TRABD2B: variants seen among roughly 807,000 people sequenced by gnomAD.
The protein encoded by TRABD2B is metalloprotease TIKI2.
Under a neutral mutation model 40.1 loss-of-function variants are expected in TRABD2B, and 14 were observed. That is an observed-to-expected ratio of 0.35 (90% CI 0.23 to 0.55). The LOEUF (loss-of-function observed/expected upper bound fraction) is 0.55. TRABD2B is among the 20% of genes least tolerant of loss of function. TRABD2B has a pLI of 0.90. For synonymous variants in TRABD2B, 263 were observed against 277.0 expected (o/e 0.95, Z 0.50); for missense variants, 541 against 648.6 (o/e 0.83, Z 1.80).
At position 47,968,446 on chromosome 1, in the gene TRABD2B, G is replaced by C. The variant is rs371997576; in HGVS notation, c.666+25588C>G. Among the ~76,000 whole-genome samples the C allele has an allele frequency of 1.1e-3, 164 of 152,340 alleles. 2 individuals are homozygous for C. Among genetic ancestry groups the C allele is most frequent in the African/African-American group, 3.6e-3 (149 of 41,574 alleles). ...CACAAAGGGACAATAACTCTTAGCT[G>C]TCTGGGCAGCTAGAGGAAGTACAGC... On this transcript the variant is annotated intron_variant, in intron 2 of 6. Coordinates refer to ENST00000606738, the MANE Select transcript of TRABD2B (RefSeq NM_001194986.2).
intron 2 of TRABD2B, among the ~76,000 whole-genome samples, chr1:47,990,443 G>A (rs1645983930): frequency 6.6e-6 from 1 of 152,082 alleles, no homozygotes; most frequent in South Asian, 2.1e-4. Flanking sequence ...GGGCCCCCAA[G>A]GGCAGGGGCT....
intron 2 of TRABD2B, among the ~76,000 whole-genome samples, chr1:47,956,189 T>C (rs1233671176): frequency 6.6e-6 from 1 of 152,116 alleles, no homozygotes; most frequent in African/African-American, 2.4e-5. Context: ...ACCCACCACA[T>C]AAGACCTGAA....
At chr1:47,978,196 T>G (rs1645786752) in intron 2 of TRABD2B, among the ~76,000 whole-genome samples, 1 of 152,056 alleles carries the variant, frequency 6.6e-6, no homozygotes, top group Non-Finnish European at 1.5e-5. Flanking sequence ...GGGGCCATAG[T>G]TCTCCCCTTC....
intron 2 of TRABD2B, among the ~76,000 whole-genome samples, chr1:47,839,984 G>A (rs11807568): frequency 6.5e-4 from 99 of 152,300 alleles, no homozygotes; most frequent in African/African-American, 2.3e-3. Context: ...CCAGGGTAGT[G>A]TGGACATCTC....
chr1:47,962,868 T>C (rs951014824), intron 2 of TRABD2B, among the ~76,000 whole-genome samples: 3 of 152,278 alleles, frequency 2.0e-5, no homozygotes, highest in Non-Finnish European at 2.9e-5. Flanking sequence ...GGACAAGCCA[T>C]GTATTGAGCA....
chr1:47,801,807 T>C (rs959032602), intron 2 of TRABD2B, among the ~76,000 whole-genome samples, 188 bp from the exon 3 acceptor site: 3 of 152,122 alleles, frequency 2.0e-5, no homozygotes. Flanking sequence ...TCTGAGCACG[T>C]TCAGCCTGCT....
At chr1:47,987,835 C>T (rs552655817) in intron 2 of TRABD2B, among the ~76,000 whole-genome samples, 2 of 151,440 alleles carry the variant, frequency 1.3e-5, no homozygotes, top group South Asian at 2.1e-4. Flanking sequence ...GGCAGACTGC[C>T]GAAGCACAAG....
Position 47,763,723 on chromosome 1 carries a change from C to A in TRABD2B, c.*2179G>T, listed in dbSNP as rs12085966. On this transcript the variant is annotated 3_prime_UTR_variant, in exon 7 of 7. Transcript: ENST00000606738. ...TCAAGCTCCATCTCAATACGTCTCA[C>A]GCCATACTCTGCCCCAAACAGAGAG... 6.6e-6 allele frequency: 1 copy of A among 152,176 alleles called. No homozygotes were observed. The highest frequency in any genetic ancestry group is 6.5e-5 in the Admixed American group (1 of 15,286). The allele number at this position is 152,176 out of a possible 1,614,324, so 9.4% of individuals were successfully genotyped here. A position where few individuals can be genotyped will look rare whatever the true frequency, so the allele number is the denominator to read the frequency against.
intron 2 of TRABD2B, among the ~76,000 whole-genome samples, chr1:47,865,237 T>C (rs1045848369): frequency 1.3e-5 from 2 of 152,150 alleles, no homozygotes; most frequent in Non-Finnish European, 2.9e-5. Flanking sequence ...TCCTCTCCGC[T>C]TGCAGCTGGG....
At chr1:47,812,330 C>A (rs1644976155) in intron 2 of TRABD2B, among the ~76,000 whole-genome samples, 1 of 152,180 alleles carries the variant, frequency 6.6e-6, no homozygotes, top group Non-Finnish European at 1.5e-5. Context: ...TAATAAAACA[C>A]AGAGGTTGGG....
At chr1:47,975,503 G>C (rs1478808484) in intron 2 of TRABD2B, among the ~76,000 whole-genome samples, 1 of 152,172 alleles carries the variant, frequency 6.6e-6, no homozygotes, top group Non-Finnish European at 1.5e-5. Flanking sequence ...ACATTGTAAA[G>C]GCAGACATTG....
intron 2 of TRABD2B, among the ~76,000 whole-genome samples, chr1:47,985,800 A>C (rs569920189): frequency 1.3e-5 from 2 of 152,352 alleles, no homozygotes; most frequent in Non-Finnish European, 2.9e-5. Context: ...CATGGATAAA[A>C]GTCTTGCTGT....
chr1:47,923,452 G>A (rs1210036887), intron 2 of TRABD2B, among the ~76,000 whole-genome samples: 3 of 152,176 alleles, frequency 2.0e-5, no homozygotes, highest in Non-Finnish European at 4.4e-5. Context: ...AATGAACCCT[G>A]CCCATCCCTG....
chr1:47,829,947 C>A (rs370390533), intron 2 of TRABD2B, among the ~76,000 whole-genome samples: 2 of 152,246 alleles, frequency 1.3e-5, no homozygotes, highest in African/African-American at 4.8e-5. Flanking sequence ...TTGTGTCAGG[C>A]CTTCTCTGGT....
chr1:47,768,434 C>A (rs1644334906), intron 6 of TRABD2B, among the ~76,000 whole-genome samples: 1 of 152,152 alleles, frequency 6.6e-6, no homozygotes, highest in South Asian at 2.1e-4. Context: ...TGACTGCCCT[C>A]CCCTTTCATG....
intron 2 of TRABD2B, among the ~76,000 whole-genome samples, chr1:47,889,038 T>C (rs1165237879): frequency 1.3e-5 from 2 of 152,224 alleles, no homozygotes; most frequent in Non-Finnish European, 2.9e-5. Context: ...ATTTGTATGA[T>C]GTCTGTCTGT....
intron 6 of TRABD2B, among the ~76,000 whole-genome samples, chr1:47,772,261 G>A (rs1456378001): frequency 2.0e-5 from 3 of 152,030 alleles, no homozygotes; most frequent in African/African-American, 7.3e-5. Context: ...GGGACAGAAT[G>A]GAGGCAGGTA....
rs758921647 is a variant in TRABD2B at position 47,778,566 on chromosome 1, G to A, written c.989-22C>T. On this transcript the variant is annotated intron_variant, in intron 4 of 6. Coordinates refer to ENST00000606738, the MANE Select transcript of TRABD2B (RefSeq NM_001194986.2). Reference sequence around the variant, plus strand: ...TGACCTGGAACACAAGTGACAAAAGGGGCTCAGCCACATGCCAGGCCACCG... The same window carrying A: ...TGACCTGGAACACAAGTGACAAAAGAGGCTCAGCCACATGCCAGGCCACCG... The A allele has an allele frequency of 1.2e-5, 19 of 1,526,226 alleles. 1 individual carries two copies. The South Asian group carries it at 1.3e-4, about 11-fold the overall frequency. The allele number at this position is 1,526,226 out of a possible 1,614,324, so 94.5% of individuals were successfully genotyped here.
At chr1:47,853,670 C>CCCAT (rs1309559144) in intron 2 of TRABD2B, among the ~76,000 whole-genome samples, 3 of 152,174 alleles carry the variant, frequency 2.0e-5, no homozygotes, top group African/African-American at 7.2e-5. Flanking sequence ...CATCCACTCA[C>CCCAT]CCATCCATCC....
Sources: gnomAD v4.1 joint callset for allele counts (sites outside exome capture counted in the v4.1 genomes callset) on GRCh38, gnomAD v4.1.1 for gene constraint, MANE v1.5 for transcripts, NCBI Gene and HGNC (gene_info 2026-07-23, HGNC 2026-07-21) for gene names.